ERBB4: variants seen among roughly 807,000 people sequenced by gnomAD.
The protein encoded by ERBB4 is erb-b2 receptor tyrosine kinase 4.
In ERBB4, 42 loss-of-function variants were observed where a neutral mutation model predicts 158.0. The observed-to-expected ratio is 0.27, with a 90% CI of 0.21 to 0.34. ERBB4 has a LOEUF of 0.34. Among genes scored for constraint, ERBB4 ranks in the 10% least tolerant of loss-of-function variants. The pLI, the probability that ERBB4 is intolerant of heterozygous loss-of-function variation, is 1.00. For synonymous variants in ERBB4, 583 were observed against 558.7 expected (o/e 1.04, Z -0.61); for missense variants, 1,333 against 1,624.1 (o/e 0.82, Z 3.08).
At chr2:211,511,515 G>A (rs1043602322) in intron 20 of ERBB4, among the ~76,000 whole-genome samples, 8 of 151,976 alleles carry the variant, frequency 5.3e-5, no homozygotes, top group Non-Finnish European at 7.4e-5. Context: ...ATGTTACCCT[G>A]AGAAAGCAAA....
At chr2:212,535,462 G>A (rs147579174) in intron 1 of ERBB4, among the ~76,000 whole-genome samples, 1 of 152,186 alleles carries the variant, frequency 6.6e-6, no homozygotes, top group East Asian at 1.9e-4. Context: ...AAAGCTATAT[G>A]TACTTTTATA....
At chr2:212,198,265 A>G (rs1012432268) in intron 1 of ERBB4, among the ~76,000 whole-genome samples, 3 of 152,280 alleles carry the variant, frequency 2.0e-5, no homozygotes, top group Middle Eastern at 3.4e-3. Flanking sequence ...ATTCAATGGC[A>G]TTAAGTACAT....
chr2:212,248,185 A>C (rs16848062), intron 1 of ERBB4, among the ~76,000 whole-genome samples: 2,131 of 152,210 alleles, frequency 0.014, 41 homozygotes, highest in African/African-American at 0.049. Flanking sequence ...TTAATGAAAG[A>C]AATATGTGTT....
intron 20 of ERBB4, among the ~76,000 whole-genome samples, chr2:211,546,486 T>C (rs1212669119): frequency 6.6e-6 from 1 of 152,144 alleles, no homozygotes; most frequent in Admixed American, 6.6e-5. Flanking sequence ...TTTCAGCCTG[T>C]ATTCATTATT....
At chr2:211,851,637 T>C (rs2077724212) in intron 3 of ERBB4, among the ~76,000 whole-genome samples, 1 of 152,022 alleles carries the variant, frequency 6.6e-6, no homozygotes, top group Admixed American at 6.6e-5. Context: ...CAAAAAATAA[T>C]CATTGTTATA....
At chr2:211,560,907 A>G (rs1208538208) in intron 20 of ERBB4, among the ~76,000 whole-genome samples, 1 of 152,148 alleles carries the variant, frequency 6.6e-6, no homozygotes, top group Admixed American at 6.5e-5. Flanking sequence ...TTATTACATT[A>G]TTTAAAAAAG....
At chr2:211,981,970 C>A (rs1264805352) in intron 2 of ERBB4, among the ~76,000 whole-genome samples, 2 of 151,896 alleles carry the variant, frequency 1.3e-5, no homozygotes, top group Non-Finnish European at 2.9e-5. Flanking sequence ...AAGTTTTATA[C>A]CATATTTTGG....
At chr2:212,150,029 T>G (rs2080819931) in intron 1 of ERBB4, among the ~76,000 whole-genome samples, 1 of 152,104 alleles carries the variant, frequency 6.6e-6, no homozygotes, top group African/African-American at 2.4e-5. Flanking sequence ...AAATACCCAT[T>G]TTTCCAGAAT....
intron 2 of ERBB4, among the ~76,000 whole-genome samples, chr2:212,037,660 T>C (rs2077046527): frequency 6.6e-6 from 1 of 152,196 alleles, no homozygotes; most frequent in African/African-American, 2.4e-5. Context: ...CTGACAAACA[T>C]GTCTTTGTAT....
At chr2:212,454,369 T>A (rs535453483) in intron 1 of ERBB4, among the ~76,000 whole-genome samples, 1 of 152,324 alleles carries the variant, frequency 6.6e-6, no homozygotes, top group South Asian at 2.1e-4. Flanking sequence ...TGCTGTCATA[T>A]TGAAAGACTC....
chr2:212,241,407 G>C (rs1171199081), intron 1 of ERBB4, among the ~76,000 whole-genome samples: 1 of 151,970 alleles, frequency 6.6e-6, no homozygotes, highest in East Asian at 1.9e-4. Context: ...ATTGTATAAA[G>C]CATGTATATG....
chr2:212,051,685 G>A (rs1444199737), intron 2 of ERBB4, among the ~76,000 whole-genome samples: 2 of 151,994 alleles, frequency 1.3e-5, no homozygotes, highest in African/African-American at 4.8e-5. Context: ...CTATAATGTG[G>A]TCACTTTCTC....
At chr2:212,093,440 C>T (rs1462781093) in intron 2 of ERBB4, among the ~76,000 whole-genome samples, 3 of 152,082 alleles carry the variant, frequency 2.0e-5, no homozygotes, top group Admixed American at 6.6e-5. Context: ...AGATGAACCT[C>T]GAACCTAACT....
intron 1 of ERBB4, among the ~76,000 whole-genome samples, chr2:212,252,602 T>C (rs1033121456): frequency 1.6e-4 from 25 of 152,068 alleles, no homozygotes; most frequent in African/African-American, 5.3e-4. Flanking sequence ...AGACTTGTTT[T>C]TTCTTGGAAA....
At chr2:212,415,919 A>G (rs1481074050) in intron 1 of ERBB4, among the ~76,000 whole-genome samples, 1 of 152,128 alleles carries the variant, frequency 6.6e-6, no homozygotes, top group Admixed American at 6.6e-5. Context: ...TCATGGGTCC[A>G]GGGCAAGCTA....
chr2:211,675,790 T>TA (rs1214341281), intron 13 of ERBB4, among the ~76,000 whole-genome samples: 11 of 34,086 alleles, frequency 3.2e-4, no homozygotes, highest in Middle Eastern at 0.015. Context: ...TAAAATATAA[T>TA]ATTATATATA....
intron 2 of ERBB4, among the ~76,000 whole-genome samples, chr2:212,000,848 A>T (rs2076086602): frequency 6.6e-6 from 1 of 151,900 alleles, no homozygotes; most frequent in Non-Finnish European, 1.5e-5. Flanking sequence ...GTATTATCTC[A>T]GGACATTACA....
intron 19 of ERBB4, among the ~76,000 whole-genome samples, chr2:211,587,193 CAAAA>C (rs397806638): frequency 7.6e-6 from 1 of 132,030 alleles, no homozygotes; most frequent in African/African-American, 2.7e-5. Flanking sequence ...TCTCTACTTA[CAAAA>C]AAAAAAAAAA....
intron 27 of ERBB4, among the ~76,000 whole-genome samples, chr2:211,384,417 TTAAA>T (rs373930892): frequency 1.3e-5 from 2 of 152,180 alleles, no homozygotes; most frequent in South Asian, 2.1e-4. Context: ...CCTATTAGGA[TTAAA>T]TAGTCTTTAA....
Sources: allele counts gnomAD v4.1 joint callset (sites outside exome capture counted in the v4.1 genomes callset), GRCh38; gene constraint gnomAD v4.1.1; transcripts MANE v1.5; gene names NCBI Gene and HGNC (gene_info 2026-07-23, HGNC 2026-07-21).